The following SRP72 variants were observed in gnomAD, a reference collection of about 807,000 sequenced individuals.
SRP72 encodes signal recognition particle subunit SRP72.
A neutral mutation model predicts 96.3 loss-of-function variants in SRP72; 49 were observed. The ratio of observed to expected loss-of-function variants is 0.51; its 90% CI spans 0.40 to 0.65. The LOEUF is 0.65. SRP72 is among the 30% of genes least tolerant of loss of function. The pLI, the probability that SRP72 is intolerant of heterozygous loss-of-function variation, is 0.00. For synonymous variants in SRP72, 267 were observed against 275.2 expected, an observed-to-expected ratio of 0.97 and a Z score of 0.30; for missense variants, 736 against 793.3, an observed-to-expected ratio of 0.93 and a Z score of 0.87.
At chr4:56,467,879 C>G in intron 1 of SRP72, 135 bp downstream of exon 1, 1 of 896,294 alleles carries the variant, frequency 1.1e-6, no homozygotes, top group African/African-American at 1.8e-5. Context: ...ATTGTCCGCC[C>G]GGCTCGGGCC....
Position 56,495,159 on chromosome 4 carries a change from C to G in SRP72, c.1641-198C>G, listed in dbSNP as rs1312220447. On this transcript the variant is annotated intron_variant, in intron 16 of 18. Coordinates refer to ENST00000642900, the MANE Select transcript of SRP72 (RefSeq NM_006947.4). ...TCACCTCTGTTTTCTAAACTACTTT[C>G]CAAAAATTATAGTATCTGAAGCTTA... The G allele has an allele frequency of 1.6e-5, 6 of 363,982 alleles. No individual in the cohort carries two copies. The Admixed American group carries it at 2.8e-4, about 17-fold the overall frequency. 22.5% of individuals were successfully genotyped at this position (363,982 alleles called of 1,614,324 possible).
intron 17 of SRP72, among the ~76,000 whole-genome samples, chr4:56,498,846 G>C (rs1364431189): frequency 6.6e-6 from 1 of 151,872 alleles, no homozygotes; most frequent in East Asian, 1.9e-4. Context: ...ACTGCCTAAA[G>C]TAATTTATAG....
chr4:56,487,092 T>C (rs745792076), intron 11 of SRP72, among the ~76,000 whole-genome samples: 2 of 152,186 alleles, frequency 1.3e-5, no homozygotes, highest in African/African-American at 2.4e-5. Context: ...AGCACAGATA[T>C]AGGACATTTA....
chr4:56,488,703 C>T (rs768130851), intron 12 of SRP72, among the ~76,000 whole-genome samples: 1 of 152,152 alleles, frequency 6.6e-6, no homozygotes, highest in South Asian at 2.1e-4. Flanking sequence ...AGGTTGCTGA[C>T]TTTATTGGCA....
At chr4:56,477,558 A>G (rs1337079935) in intron 6 of SRP72, among the ~76,000 whole-genome samples, 1 of 151,806 alleles carries the variant, frequency 6.6e-6, no homozygotes, top group African/African-American at 2.4e-5. Flanking sequence ...CTCCTAAAGC[A>G]CTGAGATTAC....
intron 9 of SRP72, 134 bp downstream of exon 9, chr4:56,483,404 C>A: frequency 1.2e-6 from 1 of 868,800 alleles, no homozygotes; most frequent in Non-Finnish European, 1.7e-6. Flanking sequence ...ATTTTTTTGC[C>A]TTCCTCAAAA....
chr4:56,486,386 A>C lies in SRP72; in HGVS notation c.1148A>C (p.Lys383Thr), dbSNP rs1720711060. 1 of 1,600,798 alleles carries C rather than the reference A, an allele frequency of 6.2e-7. No homozygotes were observed. Among genetic ancestry groups the C allele is most frequent in the African/African-American group, 1.3e-5 (1 of 74,696 alleles). ...ATTAAGCTGACCATGGCACAGTTGA[A>C]AATTTCTCAAGGTATTATGGTTTTC... ...AEIKLTMAQLKISQGNISKAC... is the reference protein window; with the variant it reads ...AEIKLTMAQLTISQGNISKAC... Residue 383 changes from lysine to threonine, a missense_variant, in exon 11 of 19, where the codon AAA becomes ACA. This residue lies in a region of SRP72 where 388 missense variants were observed against 431.8 expected (regional missense o/e 0.90). Transcript: ENST00000642900.
At chr4:56,489,000 C>T (rs1720815893) in intron 12 of SRP72, 1 of 155,574 alleles carries the variant, frequency 6.4e-6, no homozygotes, top group African/African-American at 2.4e-5. Flanking sequence ...TCAAACAGCT[C>T]ATGCCACATG....
At chr4:56,480,561 G>A (rs1390591740) in intron 8 of SRP72, among the ~76,000 whole-genome samples, 2 of 152,156 alleles carry the variant, frequency 1.3e-5, no homozygotes, top group African/African-American at 4.8e-5. Flanking sequence ...CACCCAGCCA[G>A]GACAAATTCT....
At chr4:56,494,060 G>A (rs1379633908) in intron 16 of SRP72, among the ~76,000 whole-genome samples, 1 of 152,250 alleles carries the variant, frequency 6.6e-6, no homozygotes, top group South Asian at 2.1e-4. Flanking sequence ...AGATGAGGAC[G>A]AGGTAGGCAA....
chr4:56,483,320 A>G (rs757999738), intron 9 of SRP72, 50 bp downstream of exon 9: 13 of 1,545,960 alleles, frequency 8.4e-6, no homozygotes, highest in Admixed American at 1.9e-5. Flanking sequence ...AATATGGTAT[A>G]TGAGGAGTAA....
At chr4:56,474,033 T>C (rs766472183) in intron 3 of SRP72, 21 bp from the exon 4 acceptor site, 1 of 1,598,116 alleles carries the variant, frequency 6.3e-7, no homozygotes, top group South Asian at 1.1e-5. Flanking sequence ...TCTGATTTTT[T>C]ACTTGCTATT....
intron 8 of SRP72, among the ~76,000 whole-genome samples, chr4:56,480,646 T>C (rs1282801327): frequency 1.3e-5 from 2 of 152,322 alleles, no homozygotes; most frequent in East Asian, 1.9e-4. Context: ...ACATAACTTA[T>C]ACACTGAACT....
At chr4:56,493,658 A>T (rs1720984239) in intron 16 of SRP72, among the ~76,000 whole-genome samples, 1 of 152,044 alleles carries the variant, frequency 6.6e-6, no homozygotes, top group African/African-American at 2.4e-5. Context: ...TGAGGTCAGG[A>T]GTTCGAAACC....
At chr4:56,496,148 C>G (rs1162565210) in intron 17 of SRP72, among the ~76,000 whole-genome samples, 1 of 152,102 alleles carries the variant, frequency 6.6e-6, no homozygotes, top group Non-Finnish European at 1.5e-5. Flanking sequence ...TTGATTTTAC[C>G]TAGTCAGATG....
chr4:56,483,694 A>G (rs1720590051), intron 9 of SRP72, among the ~76,000 whole-genome samples: 1 of 152,102 alleles, frequency 6.6e-6, no homozygotes, highest in Non-Finnish European at 1.5e-5. Context: ...AAGAAAGAAT[A>G]TTATGTGTCA....
chr4:56,482,359 A>G (rs540820829), intron 8 of SRP72, among the ~76,000 whole-genome samples: 1 of 151,288 alleles, frequency 6.6e-6, no homozygotes, highest in South Asian at 2.1e-4. Context: ...GAGGCAGGAG[A>G]ATGGCGTGAA....
At chr4:56,476,560 A>G (rs1720229842) in intron 5 of SRP72, 111 bp from the exon 6 acceptor site, 4 of 1,121,726 alleles carry the variant, frequency 3.6e-6, no homozygotes, top group African/African-American at 3.1e-5. Context: ...GCTTGTTACT[A>G]CGATTATCTT....
intron 5 of SRP72, 27 bp downstream of exon 5, chr4:56,474,418 A>G (rs956311654): frequency 3.8e-6 from 6 of 1,587,672 alleles, no homozygotes; most frequent in African/African-American, 2.7e-5. Context: ...ACTTATCTGT[A>G]AATATAACGT....
Sources: allele counts gnomAD v4.1 joint callset (sites outside exome capture counted in the v4.1 genomes callset), GRCh38; gene constraint gnomAD v4.1.1; regional missense constraint gnomAD v4.1.1; transcripts MANE v1.5; gene names NCBI Gene and HGNC (gene_info 2026-07-23, HGNC 2026-07-21).